The following EPG5 variants were observed in gnomAD, a reference collection of about 807,000 sequenced individuals.
EPG5 encodes the protein ectopic P granules protein 5 homolog.
A neutral mutation model predicts 302.7 loss-of-function variants in EPG5; 159 were observed. The observed-to-expected ratio is 0.53, with a 90% CI of 0.46 to 0.60. EPG5 has a LOEUF of 0.60. EPG5 is among the 20% of genes least tolerant of loss of function. The pLI, the probability that EPG5 is intolerant of heterozygous loss-of-function variation, is 0.00. For missense variants in EPG5, 2,896 were observed against 3,092.4 expected (o/e 0.94, Z 1.51); for synonymous variants, 1,158 against 1,136.8 (o/e 1.02, Z -0.37).
At chr18:45,889,282 A>G (rs1423289179) in intron 28 of EPG5, among the ~76,000 whole-genome samples, 1 of 152,236 alleles carries the variant, frequency 6.6e-6, no homozygotes, top group Middle Eastern at 3.2e-3. Context: ...ATGAAAGCCA[A>G]AAGAAAACGA....
At chr18:45,950,337 G>T (rs543464780) in intron 4 of EPG5, among the ~76,000 whole-genome samples, 1 of 152,118 alleles carries the variant, frequency 6.6e-6, no homozygotes, top group African/African-American at 2.4e-5. Flanking sequence ...CTTCTCCATT[G>T]TGGGAGAGAC....
chr18:45,907,386 A>C (rs1434849369), intron 24 of EPG5: 1 of 152,238 alleles, frequency 6.6e-6, no homozygotes, highest in Non-Finnish European at 1.5e-5. Flanking sequence ...CTGACATCAC[A>C]AGTTTTGGCC....
the EPG5 span, chr18:45,842,438 TGTGTGAGAGAGAGA>T: frequency 2.0e-6 from 1 of 494,662 alleles, no homozygotes; most frequent in African/African-American, 2.1e-5. Context: ...TGTGTGTGTG[TGTGTGAGAGAGAGA>T]GAGAGAGAGT....
intron 39 of EPG5, among the ~76,000 whole-genome samples, chr18:45,861,325 G>C (rs1351840571): frequency 2.0e-5 from 3 of 152,140 alleles, no homozygotes; most frequent in Non-Finnish European, 4.4e-5. Context: ...TGGAAATAAA[G>C]GCTCATCTCT....
At chr18:45,932,777 T>G (rs989728781) in intron 11 of EPG5, among the ~76,000 whole-genome samples, 17 of 152,282 alleles carry the variant, frequency 1.1e-4, no homozygotes, top group Admixed American at 1.0e-3. Context: ...CACTAACTCC[T>G]GTGTCAGGTG....
At chr18:45,894,830 T>C (rs1440823) in intron 27 of EPG5, among the ~76,000 whole-genome samples, 94,046 of 152,062 alleles carry the variant, frequency 0.62, 29,309 homozygotes, top group Non-Finnish European at 0.64. Context: ...TAGAAAAAGA[T>C]CAATAACAGA....
At chr18:45,870,768 T>C in intron 35 of EPG5, 26 bp from the exon 36 acceptor site, 1 of 1,489,014 alleles carries the variant, frequency 6.7e-7, no homozygotes, top group Non-Finnish European at 9.1e-7. Flanking sequence ...AAAATAGAGC[T>C]GAAGACCTTT....
At position 45,951,108 on chromosome 18, in the gene EPG5, C is replaced by T; in HGVS notation, c.1383G>A (p.Gln461=). The change falls in exon 4 of 44, where the codon CAG becomes CAA. Residue 461 remains glutamine (Q), a synonymous_variant. Coordinates refer to ENST00000282041, the MANE Select transcript of EPG5 (RefSeq NM_020964.3). ...TCTATCTCTGTCCCCTTACCAATTT[C>T]TGCAGCCAGAGAAGAATATCATCAT... is the stretch of plus-strand genomic sequence containing the variant. ...QFHDDILLWL[Q]KLVSVLQRVG... is the part of the protein sequence containing the mutation. 1 of 1,569,446 alleles carries T rather than the reference C, an allele frequency of 6.4e-7. No homozygotes were observed. The highest frequency in any genetic ancestry group is 2.3e-5 in the East Asian group (1 of 43,112).
the EPG5 span, chr18:45,838,957 T>G: frequency 6.2e-7 from 1 of 1,604,702 alleles, no homozygotes; most frequent in South Asian, 1.1e-5. Flanking sequence ...CCTGGGCCGC[T>G]CCGAGGCCAG....
intron 28 of EPG5, 46 bp downstream of exon 28, chr18:45,889,752 A>C: frequency 6.4e-7 from 1 of 1,560,050 alleles, no homozygotes; most frequent in Non-Finnish European, 8.7e-7. Flanking sequence ...ATTACTATTC[A>C]TGATAACAAA....
chr18:45,882,128 A>G, intron 31 of EPG5, 146 bp downstream of exon 31: 1 of 740,338 alleles, frequency 1.4e-6, no homozygotes, highest in Non-Finnish European at 2.1e-6. Flanking sequence ...GGCCTTGTTC[A>G]TCAAGCCCTT....
Position 45,870,788 on chromosome 18 carries a change from T to TAAAA in EPG5, c.6050-50_6050-47dup, listed in dbSNP as rs11334955. 5.0e-5 allele frequency: 48 copies of TAAAA among 964,980 alleles called. No homozygotes were observed. The African/African-American group carries it at 6.4e-4, about 13-fold the overall frequency. The allele number at this position is 964,980 out of a possible 1,614,324, so 59.8% of individuals were successfully genotyped here. On this transcript the variant is annotated intron_variant, in intron 35 of 43. Coordinates refer to ENST00000282041, the MANE Select transcript of EPG5 (RefSeq NM_020964.3). ...AGAGCTGAAGACCTTTGGTTTACCT[T>TAAAA]AAAAAAAAAAAAAAAAAGCAAATTT... is the stretch of plus-strand genomic sequence containing the variant.
chr18:45,958,897 T>C lies in EPG5; in HGVS notation c.64-3559A>G, dbSNP rs529589041. ...GATCAATAAACTGGTTCATCTGATC[T>C]TGTGGCCCCAACCCAGGAACTGACT... is the stretch of plus-strand genomic sequence containing the variant. On this transcript the variant is annotated intron_variant, in intron 1 of 43. Transcript: ENST00000282041. Among the ~76,000 whole-genome samples the C allele has an allele frequency of 1.5e-3, 227 of 152,178 alleles. 1 individual carries two copies. Among genetic ancestry groups the C allele is most frequent in the Non-Finnish European group, 2.5e-3 (173 of 68,036 alleles).
chr18:45,865,712 G>T lies in EPG5; in HGVS notation c.6669C>A (p.Phe2223Leu). The change falls in exon 39 of 44, where the codon TTC becomes TTA. Residue 2223 changes from phenylalanine to leucine, a missense_variant. Around this residue, in one of 5 missense-constraint regions of EPG5, gnomAD observed 620 missense variants for 704.2 expected, o/e 0.88. Coordinates refer to ENST00000282041, the MANE Select transcript of EPG5 (RefSeq NM_020964.3). ...CQAFTHQMVQ[F>L]LSTLEQNGKI... ...TTCCATTTTGTTCCAGGGTGCTGAG[G>T]AATTGAACCATCTGATGAGTAAAAG... 1 of 1,610,042 alleles carries T rather than the reference G, an allele frequency of 6.2e-7. No homozygotes were observed.
chr18:45,877,297 T>C (rs73436026), intron 34 of EPG5, among the ~76,000 whole-genome samples: 60 of 152,246 alleles, frequency 3.9e-4, no homozygotes, highest in African/African-American at 1.4e-3. Context: ...CATGCATTTG[T>C]AATTCCAGCT....
At chr18:45,942,396 A>G (rs1253745201) in intron 9 of EPG5, among the ~76,000 whole-genome samples, 2 of 152,210 alleles carry the variant, frequency 1.3e-5, no homozygotes, top group African/African-American at 4.8e-5. Context: ...TGAGTCCAGG[A>G]GTTTGAAACC....
chr18:45,855,302 C>T (rs1355296622), intron 43 of EPG5: 1 of 328,602 alleles, frequency 3.0e-6, no homozygotes, highest in Non-Finnish European at 5.7e-6. Flanking sequence ...TGCATATTCA[C>T]ACTTATCAGA....
intron 23 of EPG5, among the ~76,000 whole-genome samples, chr18:45,909,555 T>C (rs2049843042): frequency 6.6e-6 from 1 of 152,332 alleles, no homozygotes; most frequent in African/African-American, 2.4e-5. Flanking sequence ...AAGTCTTATT[T>C]GTAAGACTAG....
the EPG5 span, among the ~76,000 whole-genome samples, chr18:45,823,244 A>T: frequency 6.6e-6 from 1 of 151,986 alleles, no homozygotes; most frequent in Admixed American, 6.5e-5. Flanking sequence ...CAAATTTAGG[A>T]ATTTGAGCTT....
Sources: gnomAD v4.1 joint callset for allele counts (sites outside exome capture counted in the v4.1 genomes callset) on GRCh38, gnomAD v4.1.1 for gene constraint, gnomAD v4.1.1 regional missense constraint, MANE v1.5 for transcripts, NCBI Gene and HGNC (gene_info 2026-07-23, HGNC 2026-07-21) for gene names.